The following IPO11 variants were observed in gnomAD, a reference collection of about 807,000 sequenced individuals.
IPO11 encodes the protein importin-11.
In IPO11, 66 loss-of-function variants were observed where a neutral mutation model predicts 143.2. The observed-to-expected ratio is 0.46, with a 90% CI of 0.38 to 0.57. The LOEUF (loss-of-function observed/expected upper bound fraction) is 0.57. IPO11 is among the 20% of genes least tolerant of loss of function. The probability of loss-of-function intolerance (pLI) is 0.00; values close to 1 mark genes in which losing one functional copy is unlikely to be tolerated. For missense variants in IPO11, 1,026 were observed against 1,141.0 expected, an observed-to-expected ratio of 0.90 and a Z score of 1.45; for synonymous variants, 385 against 377.8, an observed-to-expected ratio of 1.02 and a Z score of -0.22.
At chr5:62,538,570 T>A (rs749718066) in intron 24 of IPO11, among the ~76,000 whole-genome samples, 3 of 152,180 alleles carry the variant, frequency 2.0e-5, no homozygotes, top group Non-Finnish European at 4.4e-5. Flanking sequence ...GAAGATGCCT[T>A]GCCTCCCTTT....
At chr5:62,475,660 CTT>C (rs1370945001) in intron 8 of IPO11, among the ~76,000 whole-genome samples, 4 of 152,180 alleles carry the variant, frequency 2.6e-5, no homozygotes, top group East Asian at 1.9e-4. Context: ...CTTGTAGACT[CTT>C]TTCGCTTTTA....
At chr5:62,580,305 G>T (rs927564435) in intron 27 of IPO11, 2 of 1,536,890 alleles carry the variant, frequency 1.3e-6, no homozygotes, top group African/African-American at 1.4e-5. Context: ...ATGATTTAGA[G>T]AATTTAAATT....
chr5:62,424,549 G>C (rs958881674), intron 1 of IPO11, among the ~76,000 whole-genome samples: 11 of 151,684 alleles, frequency 7.3e-5, no homozygotes, highest in Non-Finnish European at 1.2e-4. Context: ...TTGAGTAGCT[G>C]GGACCATAGG....
intron 20 of IPO11, among the ~76,000 whole-genome samples, chr5:62,523,972 G>C (rs1227778709): frequency 6.6e-6 from 1 of 152,060 alleles, no homozygotes; most frequent in Non-Finnish European, 1.5e-5. Context: ...ATTGTATAGA[G>C]AAATCCCATG....
At chr5:62,555,421 T>C (rs1743539588) in intron 26 of IPO11, among the ~76,000 whole-genome samples, 1 of 151,986 alleles carries the variant, frequency 6.6e-6, no homozygotes, top group Non-Finnish European at 1.5e-5. Flanking sequence ...CAGGTGATCT[T>C]TTCACCTTAG....
chr5:62,418,817 G>C (rs1743388223), intron 1 of IPO11: 1 of 514,606 alleles, frequency 1.9e-6, no homozygotes, highest in African/African-American at 1.9e-5. Context: ...TAGATAACTA[G>C]GTCATGCAGA....
At chr5:62,484,249 C>G (rs1483392169) in intron 11 of IPO11, 87 bp downstream of exon 11, 11 of 1,068,766 alleles carry the variant, frequency 1.0e-5, no homozygotes, top group Non-Finnish European at 1.4e-5. Context: ...ATTGTATTTT[C>G]ATACAGCACT....
At chr5:62,555,270 T>A (rs1580320070) in intron 26 of IPO11, among the ~76,000 whole-genome samples, 1 of 150,506 alleles carries the variant, frequency 6.6e-6, no homozygotes, top group African/African-American at 2.4e-5. Context: ...TTTTTTGTAT[T>A]TTTTTTTTAC....
chr5:62,608,191 T>C (rs1196858949), intron 29 of IPO11, among the ~76,000 whole-genome samples: 1 of 152,216 alleles, frequency 6.6e-6, no homozygotes, highest in East Asian at 1.9e-4. Context: ...TCTTCCTTAC[T>C]AATCATTCCT....
At chr5:62,564,138 A>C (rs1464614652) in intron 27 of IPO11, among the ~76,000 whole-genome samples, 2 of 152,114 alleles carry the variant, frequency 1.3e-5, no homozygotes, top group Non-Finnish European at 1.5e-5. Flanking sequence ...TCCTTAATAG[A>C]CTAGTGATGA....
intron 15 of IPO11, among the ~76,000 whole-genome samples, chr5:62,492,507 G>A (rs1021593481): frequency 6.4e-4 from 97 of 152,086 alleles, no homozygotes; most frequent in African/African-American, 2.2e-3. Context: ...CTTCTTGGGG[G>A]CAGGGAATAC....
intron 24 of IPO11, among the ~76,000 whole-genome samples, chr5:62,545,734 A>T (rs1254517066): frequency 1.3e-5 from 2 of 152,144 alleles, no homozygotes; most frequent in African/African-American, 2.4e-5. Flanking sequence ...GAATCTACAA[A>T]GAACTCAAAC....
chr5:62,587,527 G>T (rs1043172022), intron 27 of IPO11, among the ~76,000 whole-genome samples: 1 of 151,792 alleles, frequency 6.6e-6, no homozygotes, highest in Admixed American at 6.6e-5. Context: ...ATTTTTAAGT[G>T]AATAAGTATT....
intron 27 of IPO11, among the ~76,000 whole-genome samples, chr5:62,586,602 T>G (rs1744781438): frequency 6.6e-6 from 1 of 151,304 alleles, no homozygotes; most frequent in Non-Finnish European, 1.5e-5. Context: ...AAATACAGAA[T>G]TAGCTGAGCA....
chr5:62,577,491 G>A (rs1744358520), intron 27 of IPO11, among the ~76,000 whole-genome samples: 1 of 151,870 alleles, frequency 6.6e-6, no homozygotes, highest in South Asian at 2.1e-4. Context: ...CCAAGAAATT[G>A]AAAAATCCAT....
chr5:62,625,384 TA>T (rs989929835), intron 29 of IPO11, among the ~76,000 whole-genome samples: 15 of 152,216 alleles, frequency 9.9e-5, no homozygotes, highest in African/African-American at 3.4e-4. Flanking sequence ...GTAATAATTT[TA>T]AAATTAAGCA....
rs919639391 is a variant in IPO11 at position 62,451,784 on chromosome 5, A to G, written c.367A>G (p.Arg123Gly). 1 of 1,614,070 alleles carries G rather than the reference A, an allele frequency of 6.2e-7. No homozygotes were observed. The highest frequency in any genetic ancestry group is 1.3e-5 in the African/African-American group (1 of 74,932). The change falls in exon 5 of 30, where the codon AGA (arginine) becomes GGA (glycine). Residue 123 changes from arginine (R) to glycine (G), a missense_variant. Around this residue, in one of 5 missense-constraint regions of IPO11, gnomAD observed 429 missense variants for 456.3 expected, o/e 0.94. Transcript: ENST00000325324. ...AAAAGTTGCTAGATTGGATTGTCCCAGACAGTGGCCTGAACTAATTCCCAC... is the reference window on the plus strand; with the variant it reads ...AAAAGTTGCTAGATTGGATTGTCCCGGACAGTGGCCTGAACTAATTCCCAC... Reference protein sequence around the residue: ...IAKVARLDCPRQWPELIPTLI... With the variant: ...IAKVARLDCPGQWPELIPTLI...
chr5:62,586,129 T>G (rs547544806), intron 27 of IPO11, among the ~76,000 whole-genome samples: 7 of 152,292 alleles, frequency 4.6e-5, no homozygotes, highest in Non-Finnish European at 1.0e-4. Flanking sequence ...TAGAGAAAGG[T>G]CATTGAGCAT....
intron 4 of IPO11, 48 bp downstream of exon 4, chr5:62,450,047 T>C: frequency 8.4e-7 from 1 of 1,196,006 alleles, no homozygotes; most frequent in Non-Finnish European, 1.2e-6. Context: ...GTACTGCTTT[T>C]CCAAACTAAT....
Sources: gnomAD v4.1 joint callset for allele counts (sites outside exome capture counted in the v4.1 genomes callset) on GRCh38, gnomAD v4.1.1 for gene constraint, gnomAD v4.1.1 regional missense constraint, MANE v1.5 for transcripts, NCBI Gene and HGNC (gene_info 2026-07-23, HGNC 2026-07-21) for gene names.